The following HS6ST3 variants were observed in gnomAD, a reference collection of about 807,000 sequenced individuals.
HS6ST3 encodes the protein heparan sulfate 6-O-sulfotransferase 3.
In HS6ST3, 12 loss-of-function variants were observed where a neutral mutation model predicts 36.7. That is an observed-to-expected ratio of 0.33 (90% CI 0.21 to 0.53). The LOEUF (loss-of-function observed/expected upper bound fraction) is 0.53, where lower values mean the gene tolerates loss of function less well. Ranked by LOEUF, HS6ST3 falls within the 20% of genes least tolerant of loss-of-function variation. HS6ST3 has a pLI of 0.95. For missense variants in HS6ST3, 584 were observed against 640.9 expected (o/e 0.91, Z 0.96); for synonymous variants, 240 against 257.5 (o/e 0.93, Z 0.65).
intron 1 of HS6ST3, among the ~76,000 whole-genome samples, chr13:96,799,134 CTG>C (rs777794807): frequency 6.6e-6 from 1 of 152,132 alleles, no homozygotes; most frequent in Non-Finnish European, 1.5e-5. Context: ...TCTTTTAAAA[CTG>C]TGTTTGATCA....
intron 1 of HS6ST3, among the ~76,000 whole-genome samples, chr13:96,513,185 T>TAA (rs939733598): frequency 5.3e-5 from 8 of 152,154 alleles, no homozygotes; most frequent in African/African-American, 1.9e-4. Flanking sequence ...CCCCCTTTAC[T>TAA]GGATGTCTGT....
chr13:96,180,601 T>C (rs1223544584), intron 1 of HS6ST3, among the ~76,000 whole-genome samples: 1 of 152,226 alleles, frequency 6.6e-6, no homozygotes, highest in African/African-American at 2.4e-5. Flanking sequence ...GTTTAATTAA[T>C]TAATTTTGAC....
intron 1 of HS6ST3, among the ~76,000 whole-genome samples, chr13:96,742,379 C>A (rs905491071): frequency 6.6e-6 from 1 of 152,026 alleles, no homozygotes; most frequent in Admixed American, 6.6e-5. Flanking sequence ...CAGAGATATT[C>A]TTTTGAATAC....
At chr13:96,641,415 T>G (rs1280371074) in intron 1 of HS6ST3, among the ~76,000 whole-genome samples, 1 of 151,882 alleles carries the variant, frequency 6.6e-6, no homozygotes, top group Non-Finnish European at 1.5e-5. Flanking sequence ...CCAGGAGCCT[T>G]CTGGCTTTCA....
chr13:96,320,683 T>G (rs1283958345), intron 1 of HS6ST3, among the ~76,000 whole-genome samples: 1 of 152,214 alleles, frequency 6.6e-6, no homozygotes, highest in East Asian at 1.9e-4. Context: ...TTCATCACTG[T>G]CAACAGCTGC....
intron 1 of HS6ST3, among the ~76,000 whole-genome samples, chr13:96,396,969 G>A (rs1277906548): frequency 3.3e-5 from 5 of 152,156 alleles, no homozygotes; most frequent in Non-Finnish European, 5.9e-5. Flanking sequence ...TTGGGAGGCC[G>A]AGGTGGGCAG....
intron 1 of HS6ST3, among the ~76,000 whole-genome samples, chr13:96,773,124 C>T (rs1877305069): frequency 6.6e-6 from 1 of 152,178 alleles, no homozygotes; most frequent in Admixed American, 6.5e-5. Context: ...AGGAATGGTG[C>T]ATTCAGGCCC....
At position 96,112,578 on chromosome 13, in the gene HS6ST3, A is replaced by AATATACATATATATATACATAT. The variant is rs397773858; in HGVS notation, c.707+21014_707+21015insCATATATATATACATATATATA. Among the ~76,000 whole-genome samples the AATATACATATATATATACATAT allele has an allele frequency of 6.2e-4, 50 of 81,238 alleles. 6 individuals are homozygous for AATATACATATATATATACATAT. Among genetic ancestry groups the AATATACATATATATATACATAT allele is most frequent in the African/African-American group, 2.4e-3 (49 of 20,542 alleles). The allele number at this position is 81,238 out of a possible 152,430, so 53.3% of individuals were successfully genotyped here. ...TAAAACCCCATCTCTAAAATAAATA[A>AATATACATATATATATACATAT]ATATATATATATATATATATATATA... is the stretch of plus-strand genomic sequence containing the variant. On this transcript the variant is annotated intron_variant, in intron 1 of 1. Transcript: ENST00000376705.
intron 1 of HS6ST3, among the ~76,000 whole-genome samples, chr13:96,617,011 C>A (rs926246167): frequency 3.3e-5 from 5 of 152,218 alleles, no homozygotes; most frequent in African/African-American, 9.6e-5. Context: ...TCAGAGTGAA[C>A]TGAAGCCTTC....
chr13:96,423,823 T>C (rs9513142), intron 1 of HS6ST3, among the ~76,000 whole-genome samples: 51,823 of 151,878 alleles, frequency 0.34, 9,000 homozygotes, highest in South Asian at 0.45. Flanking sequence ...GAAGGGGTGA[T>C]GAACATGGAA....
chr13:96,307,566 T>C lies in HS6ST3; in HGVS notation c.707+215997T>C, dbSNP rs534796968. Among the ~76,000 whole-genome samples the C allele has an allele frequency of 5.9e-5, 9 of 152,262 alleles. No individual in the cohort carries two copies. In the South Asian group the frequency reaches 1.9e-3, roughly 32 times the overall value. ...CTGAACCTGTGGTGTTTACTAATTT[T>C]TTTCTTTTTATTGATTTATTGTGAC... On this transcript the variant is annotated intron_variant, in intron 1 of 1. Transcript: ENST00000376705.
intron 1 of HS6ST3, among the ~76,000 whole-genome samples, chr13:96,393,953 G>A (rs2055408356): frequency 6.6e-6 from 1 of 152,144 alleles, no homozygotes; most frequent in Admixed American, 6.6e-5. Context: ...AGCTCATGAT[G>A]CCAGAAAATG....
chr13:96,449,859 A>T (rs1357974007), intron 1 of HS6ST3, among the ~76,000 whole-genome samples: 1 of 152,208 alleles, frequency 6.6e-6, no homozygotes, highest in Non-Finnish European at 1.5e-5. Flanking sequence ...GCCCTTCTCC[A>T]TTATAAAAAT....
chr13:96,746,241 T>C (rs1299026469), intron 1 of HS6ST3, among the ~76,000 whole-genome samples: 2 of 152,066 alleles, frequency 1.3e-5, no homozygotes, highest in African/African-American at 4.8e-5. Context: ...CAGTTTTGCA[T>C]TGAGGAATTG....
intron 1 of HS6ST3, among the ~76,000 whole-genome samples, chr13:96,209,003 T>C (rs2054385609): frequency 6.6e-6 from 1 of 152,218 alleles, no homozygotes; most frequent in South Asian, 2.1e-4. Flanking sequence ...CTGCATGAGT[T>C]TGTGCACACT....
At chr13:96,480,827 A>G (rs757521748) in intron 1 of HS6ST3, among the ~76,000 whole-genome samples, 2 of 152,158 alleles carry the variant, frequency 1.3e-5, no homozygotes, top group Non-Finnish European at 2.9e-5. Context: ...ACTATCCTAC[A>G]TTGTGGATTC....
chr13:96,195,287 G>A (rs575396265), intron 1 of HS6ST3, among the ~76,000 whole-genome samples: 26 of 152,322 alleles, frequency 1.7e-4, no homozygotes, highest in African/African-American at 6.0e-4. Context: ...CCTGAAAGTA[G>A]CAATGAATAA....
At chr13:96,306,351 C>T (rs759660890) in intron 1 of HS6ST3, among the ~76,000 whole-genome samples, 4 of 151,950 alleles carry the variant, frequency 2.6e-5, no homozygotes, top group African/African-American at 4.8e-5. Context: ...ATCTGCCCAC[C>T]TCGGCCTCCC....
At chr13:96,628,204 C>A (rs1322121275) in intron 1 of HS6ST3, among the ~76,000 whole-genome samples, 1 of 151,954 alleles carries the variant, frequency 6.6e-6, no homozygotes, top group East Asian at 1.9e-4. Flanking sequence ...TTTTAATATG[C>A]AGTATTTTAA....
Sources: gnomAD v4.1 joint callset for allele counts (sites outside exome capture counted in the v4.1 genomes callset) on GRCh38, gnomAD v4.1.1 for gene constraint, MANE v1.5 for transcripts, NCBI Gene and HGNC (gene_info 2026-07-23, HGNC 2026-07-21) for gene names.